The following PRKCA variants were observed in gnomAD, a reference collection of about 807,000 sequenced individuals.
PRKCA encodes the protein protein kinase C alpha, also known as protein kinase C alpha type.
PRKCA carries 27 observed loss-of-function variants against 87.0 expected under a neutral mutation model. The ratio of observed to expected loss-of-function variants is 0.31; its 90% CI spans 0.23 to 0.43. The LOEUF is 0.43. Among genes scored for constraint, PRKCA ranks in the 20% least tolerant of loss-of-function variants. The pLI is 1.00. For synonymous variants in PRKCA, 329 were observed against 311.1 expected (o/e 1.06, Z -0.61); for missense variants, 518 against 852.3 (o/e 0.61, Z 4.88).
chr17:66,364,991 G>T (rs1908616915), intron 2 of PRKCA, among the ~76,000 whole-genome samples: 1 of 152,134 alleles, frequency 6.6e-6, no homozygotes, highest in African/African-American at 2.4e-5. Context: ...AGTTTCCATT[G>T]TATGTGTTTA....
chr17:66,727,479 C>G (rs1029354705), intron 8 of PRKCA, among the ~76,000 whole-genome samples: 1 of 152,148 alleles, frequency 6.6e-6, no homozygotes, highest in Non-Finnish European at 1.5e-5. Flanking sequence ...CAGTGAGGTC[C>G]CAGGTGAAAC....
intron 3 of PRKCA, among the ~76,000 whole-genome samples, chr17:66,630,282 G>A (rs999156204): frequency 5.9e-5 from 9 of 152,212 alleles, no homozygotes; most frequent in Admixed American, 5.9e-4. Context: ...AAGTATATGT[G>A]TAAGTATGTA....
intron 2 of PRKCA, among the ~76,000 whole-genome samples, chr17:66,433,705 C>T (rs1913222103): frequency 6.6e-6 from 1 of 152,134 alleles, no homozygotes; most frequent in Admixed American, 6.5e-5. Context: ...TCACCACGCC[C>T]TGCCCATTTT....
chr17:66,462,737 A>G (rs1276175857), intron 2 of PRKCA, among the ~76,000 whole-genome samples: 1 of 152,056 alleles, frequency 6.6e-6, no homozygotes, highest in Non-Finnish European at 1.5e-5. Context: ...CCTCCCACCT[A>G]TGGTTTTTGC....
chr17:66,457,399 G>A (rs1217273568), intron 2 of PRKCA, among the ~76,000 whole-genome samples: 1 of 152,124 alleles, frequency 6.6e-6, no homozygotes, highest in Admixed American at 6.5e-5. Flanking sequence ...GAGCCTTGGT[G>A]CATCCCTCTC....
chr17:66,460,936 T>G (rs1340668700), intron 2 of PRKCA, among the ~76,000 whole-genome samples: 1 of 152,180 alleles, frequency 6.6e-6, no homozygotes, highest in African/African-American at 2.4e-5. Context: ...ATGGGCATGA[T>G]GGCTCACGCC....
chr17:66,493,166 C>T lies in PRKCA; in HGVS notation c.206-3035C>T, dbSNP rs181191608. On this transcript the variant is annotated intron_variant, in intron 2 of 16. Transcript: ENST00000413366. ...TTTAAAATGTGTATTTTTACAATCA[C>T]ATTATATTATGATTACCTTAAAAGA... is the stretch of plus-strand genomic sequence containing the variant. 3.1e-3 allele frequency among the ~76,000 whole-genome samples: 467 copies of T among 152,202 alleles called. 3 individuals are homozygous for T. The highest frequency in any genetic ancestry group is 0.011 in the African/African-American group (437 of 41,520).
rs532226215 is a variant in PRKCA, at chr17:66,555,051, G to A, written c.288+58768G>A. Among the ~76,000 whole-genome samples, 44 of 152,042 alleles carry A rather than the reference G, an allele frequency of 2.9e-4. No individual in the cohort carries two copies. The South Asian group carries it at 6.7e-3, about 23-fold the overall frequency. ...CGCTGCCATGCCCGGCCAAGTTTTTGTATTTTAGTAGAGATGGGGTTTCAC... is the reference window on the plus strand; with the variant it reads ...CGCTGCCATGCCCGGCCAAGTTTTTATATTTTAGTAGAGATGGGGTTTCAC... On this transcript the variant is annotated intron_variant, in intron 3 of 16. Coordinates refer to ENST00000413366, the MANE Select transcript of PRKCA (RefSeq NM_002737.3).
chr17:66,652,564 G>A (rs1196236760), intron 5 of PRKCA, among the ~76,000 whole-genome samples: 1 of 152,104 alleles, frequency 6.6e-6, no homozygotes, highest in Non-Finnish European at 1.5e-5. Context: ...TCTGAAAATA[G>A]GACCAGGCGG....
At chr17:66,480,625 C>T (rs908583577) in intron 2 of PRKCA, among the ~76,000 whole-genome samples, 6 of 152,032 alleles carry the variant, frequency 3.9e-5, no homozygotes, top group African/African-American at 1.2e-4. Flanking sequence ...TTACTTGTAC[C>T]GTGCCCTGCC....
intron 2 of PRKCA, among the ~76,000 whole-genome samples, chr17:66,433,292 C>CCCTGGCCCTGGT (rs1027128695): frequency 2.0e-5 from 3 of 152,276 alleles, no homozygotes; most frequent in Non-Finnish European, 2.9e-5. Context: ...CTGGCCCCGG[C>CCCTGGCCCTGGT]CCTGGCCCTG....
At chr17:66,536,042 G>A (rs779116284) in intron 3 of PRKCA, among the ~76,000 whole-genome samples, 3 of 152,094 alleles carry the variant, frequency 2.0e-5, no homozygotes, top group Non-Finnish European at 2.9e-5. Flanking sequence ...TGATATTAAT[G>A]TACTCATAAT....
intron 5 of PRKCA, among the ~76,000 whole-genome samples, chr17:66,664,297 A>G (rs139672325): frequency 1.0e-3 from 156 of 152,264 alleles, no homozygotes; most frequent in African/African-American, 2.4e-3. Context: ...CAAGGCCCAA[A>G]GACCACCAAG....
At chr17:66,490,345 CTTT>C (rs566074276) in intron 2 of PRKCA, among the ~76,000 whole-genome samples, 7 of 140,294 alleles carry the variant, frequency 5.0e-5, no homozygotes, top group Admixed American at 7.2e-5. Context: ...TTCCAGAACT[CTTT>C]TTTTTTTTTT....
intron 5 of PRKCA, among the ~76,000 whole-genome samples, chr17:66,655,310 C>T (rs1219694655): frequency 1.3e-5 from 2 of 152,200 alleles, no homozygotes; most frequent in Middle Eastern, 3.4e-3. Flanking sequence ...GTACTTTGCC[C>T]ATCTCCCCAT....
intron 16 of PRKCA, chr17:66,796,970 CTCT>C (rs915939608): frequency 2.6e-5 from 26 of 985,166 alleles, no homozygotes; most frequent in East Asian, 2.3e-4. Context: ...TGCATCTTTC[CTCT>C]TCTTCTGGGT....
chr17:66,637,061 A>G (rs1314659368), intron 3 of PRKCA, among the ~76,000 whole-genome samples: 1 of 152,204 alleles, frequency 6.6e-6, no homozygotes, highest in Non-Finnish European at 1.5e-5. Context: ...AGACTTAGGC[A>G]GGAGGTGGAA....
intron 13 of PRKCA, among the ~76,000 whole-genome samples, chr17:66,765,056 C>T (rs564009864): frequency 9.2e-5 from 14 of 152,258 alleles, no homozygotes; most frequent in Middle Eastern, 3.4e-3. Flanking sequence ...GCCGAAACTG[C>T]GTTTAGCAGC....
intron 2 of PRKCA, among the ~76,000 whole-genome samples, chr17:66,365,449 C>T (rs1441226556): frequency 6.6e-6 from 1 of 152,170 alleles, no homozygotes; most frequent in Non-Finnish European, 1.5e-5. Context: ...ATTTAATCCC[C>T]TTTTCAGAGG....
Sources: allele counts gnomAD v4.1 joint callset (sites outside exome capture counted in the v4.1 genomes callset), GRCh38; gene constraint gnomAD v4.1.1; transcripts MANE v1.5; gene names NCBI Gene and HGNC (gene_info 2026-07-23, HGNC 2026-07-21).